KCNK17: variants seen among roughly 807,000 people sequenced by gnomAD.
KCNK17 encodes potassium channel subfamily K member 17.
A neutral mutation model predicts 24.6 loss-of-function variants in KCNK17; 27 were observed. That is an observed-to-expected ratio of 1.10 (90% CI 0.81 to 1.51). The LOEUF is 1.51. Ranked by LOEUF, KCNK17 falls within the 40% of genes most tolerant of loss-of-function variation. The pLI, the probability that KCNK17 is intolerant of heterozygous loss-of-function variation, is 0.00. For synonymous variants in KCNK17, 181 were observed against 189.8 expected (o/e 0.95, Z 0.38); for missense variants, 450 against 436.6 (o/e 1.03, Z -0.27).
chr6:39,302,194 A>C (rs2758911), intron 4 of KCNK17, among the ~76,000 whole-genome samples: 23,255 of 152,118 alleles, frequency 0.15, 3,184 homozygotes, highest in African/African-American at 0.37. Context: ...GTGAAGGGAG[A>C]AGCTCTGCCA....
chr6:39,313,409 C>T (rs554234608), intron 1 of KCNK17, among the ~76,000 whole-genome samples: 2 of 152,338 alleles, frequency 1.3e-5, no homozygotes, highest in East Asian at 3.9e-4. Context: ...CCTGCGTCCG[C>T]CCTCCTCTCG....
At chr6:39,308,288 G>A (rs1469812628) in intron 2 of KCNK17, among the ~76,000 whole-genome samples, 2 of 152,204 alleles carry the variant, frequency 1.3e-5, no homozygotes, top group African/African-American at 4.8e-5. Context: ...ATGTATGTGT[G>A]TATGTATGTA....
chr6:39,301,820 T>G lies in KCNK17; in HGVS notation c.689-2083A>C, dbSNP rs565039903. ...TGAAGACAGCGCCTCTTGTGGCTGC[T>G]GATGCAGGGATGTGAACACCCAGTA... On this transcript the variant is annotated intron_variant, in intron 4 of 4. Coordinates refer to ENST00000373231, the MANE Select transcript of KCNK17 (RefSeq NM_031460.4). 3.8e-3 allele frequency among the ~76,000 whole-genome samples: 584 copies of G among 152,292 alleles called. 4 individuals are homozygous for G. Among genetic ancestry groups the G allele is most frequent in the African/African-American group, 0.012 (483 of 41,564 alleles).
chr6:39,307,464 C>G (rs1235981780), intron 2 of KCNK17, among the ~76,000 whole-genome samples: 1 of 152,116 alleles, frequency 6.6e-6, no homozygotes, highest in Non-Finnish European at 1.5e-5. Context: ...GCCTCCTCAC[C>G]AACCCCTCCT....
Position 39,299,197 on chromosome 6 carries a change from G to C in KCNK17, c.*230C>G. The C allele has an allele frequency of 1.9e-6, 1 of 530,704 alleles. No individual in the cohort carries two copies. The highest frequency in any genetic ancestry group is 3.3e-6 in the Non-Finnish European group (1 of 298,828). The allele number at this position is 530,704 out of a possible 1,614,324, so 32.9% of individuals were successfully genotyped here. Reference sequence around the variant, plus strand: ...CATCATATCGGCGGCATTGCAGCCCGCTAAAGTAAGGAAGTGGGGGAGAAG... The same window carrying C: ...CATCATATCGGCGGCATTGCAGCCCCCTAAAGTAAGGAAGTGGGGGAGAAG... On this transcript the variant is annotated 3_prime_UTR_variant, in exon 5 of 5. Transcript: ENST00000373231.
chr6:39,312,765 C>T (rs971088456), intron 1 of KCNK17, among the ~76,000 whole-genome samples: 1 of 152,184 alleles, frequency 6.6e-6, no homozygotes, highest in African/African-American at 2.4e-5. Context: ...TGCTTGTAGT[C>T]GAAGTTCACC....
At chr6:39,299,915 AT>A (rs2113833179) in intron 4 of KCNK17, among the ~76,000 whole-genome samples, 178 bp from the exon 5 acceptor site, 1 of 152,266 alleles carries the variant, frequency 6.6e-6, no homozygotes, top group South Asian at 2.1e-4. Flanking sequence ...GCCTCCCTGG[AT>A]TGGCACTTGG....
intron 2 of KCNK17, among the ~76,000 whole-genome samples, chr6:39,306,766 GTTT>G (rs34588404): frequency 2.3e-5 from 3 of 130,504 alleles, no homozygotes; most frequent in Admixed American, 7.8e-5. Flanking sequence ...TTCTTTCTTT[GTTT>G]TTTTTTTTTT....
Position 39,299,434 on chromosome 6 carries a change from T to C in KCNK17, c.992A>G (p.Asp331Gly), listed in dbSNP as rs1376185119. ...PSAHAAGCGK[D>G]S is the part of the protein sequence containing the mutation. ...CCAAAGAATGGAGTATAACTAGCTGTCCTTGCCACAGCCTGCAGCGTGAGC... is the reference window on the plus strand; with the variant it reads ...CCAAAGAATGGAGTATAACTAGCTGCCCTTGCCACAGCCTGCAGCGTGAGC... The change falls in exon 5 of 5, where the codon GAC becomes GGC. Residue 331 changes from aspartate (D) to glycine (G), a missense_variant. Asp to Gly is a moderately conservative substitution (Grantham distance 94). Transcript: ENST00000373231. 6.2e-7 allele frequency: 1 copy of C among 1,612,538 alleles called. No homozygotes were observed. The highest frequency in any genetic ancestry group is 1.1e-5 in the South Asian group (1 of 91,004).
intron 4 of KCNK17, among the ~76,000 whole-genome samples, chr6:39,302,969 C>T (rs1761970308): frequency 6.6e-6 from 1 of 152,262 alleles, no homozygotes; most frequent in South Asian, 2.1e-4. Context: ...AGAGAGGAGA[C>T]ATTTTAGGTG....
chr6:39,304,033 C>G lies in KCNK17; in HGVS notation c.612G>C (p.Glu204Asp). 6.2e-7 allele frequency: 1 copy of G among 1,613,966 alleles called. No homozygotes were observed. The highest frequency in any genetic ancestry group is 1.1e-5 in the South Asian group (1 of 91,088). ...LLPPLLFSHM[E>D]GWSYTEGFYF... The stretch of plus-strand genomic sequence containing the variant: ...AGAAGCCCTCTGTGTAGCTCCAGCC[C>G]TCCATGTGGGAGAAGAGCAGCGGTG... Residue 204 changes from glutamate to aspartate, a missense_variant, in exon 4 of 5, where the codon GAG becomes GAC. Physicochemically the swap from Glu to Asp is conservative, Grantham distance 45. Transcript: ENST00000373231.
intron 1 of KCNK17, among the ~76,000 whole-genome samples, chr6:39,313,281 A>G (rs116366551): frequency 0.018 from 2,765 of 152,192 alleles, 75 homozygotes; most frequent in African/African-American, 0.058. Flanking sequence ...GCTCAGATTT[A>G]CCTCTGAGTC....
At position 39,309,318 on chromosome 6, in the gene KCNK17, C is replaced by T. The variant is rs555648276; in HGVS notation, c.352+1575G>A. Among the ~76,000 whole-genome samples the T allele has an allele frequency of 1.8e-3, 269 of 152,110 alleles. 2 individuals are homozygous for T. The highest frequency in any genetic ancestry group is 1.7e-3 in the South Asian group (8 of 4,826). On this transcript the variant is annotated intron_variant, in intron 2 of 4. Transcript: ENST00000373231. ...CAGCCTGGGTGACACAGCGAGACTC[C>T]GTCTCAAAAAAGAAAGAAAGAAAAT...
chr6:39,300,974 C>G (rs1383827063), intron 4 of KCNK17, among the ~76,000 whole-genome samples: 1 of 152,146 alleles, frequency 6.6e-6, no homozygotes, highest in Non-Finnish European at 1.5e-5. Context: ...AAAATGGAGA[C>G]AGTAAGAGTC....
chr6:39,308,665 T>G (rs1490680285), intron 2 of KCNK17, among the ~76,000 whole-genome samples: 1 of 152,348 alleles, frequency 6.6e-6, no homozygotes, highest in Middle Eastern at 3.4e-3. Context: ...AGTTCATAGA[T>G]GAGTGATTTC....
intron 4 of KCNK17, chr6:39,300,635 T>G: frequency 9.2e-7 from 1 of 1,090,330 alleles, no homozygotes; most frequent in South Asian, 1.4e-5. Context: ...GGAATACGAC[T>G]GCGCCCCCTT....
chr6:39,310,888 CTTA>C lies in KCNK17; in HGVS notation c.352+2_352+4del. ...CCCATCCCCCTGGCCCCATCTGGCC[CTTA>C]CCAATGGTGGTGATGGTGGACACAG... On this transcript the variant is annotated splice_donor_variant and splice_donor_region_variant and intron_variant, in intron 2 of 4. Coordinates refer to ENST00000373231, the MANE Select transcript of KCNK17 (RefSeq NM_031460.4). LOFTEE classifies it high-confidence loss of function. The C allele has an allele frequency of 1.3e-6, 2 of 1,588,134 alleles. No individual in the cohort carries two copies. Among genetic ancestry groups the C allele is most frequent in the Non-Finnish European group, 1.7e-6 (2 of 1,160,740 alleles).
At chr6:39,306,986 T>C (rs1367236956) in intron 2 of KCNK17, among the ~76,000 whole-genome samples, 3 of 152,038 alleles carry the variant, frequency 2.0e-5, no homozygotes, top group African/African-American at 7.2e-5. Context: ...ATGGTCTCAA[T>C]CTCCTGACCT....
intron 4 of KCNK17, chr6:39,300,458 T>C: frequency 6.5e-7 from 1 of 1,546,116 alleles, no homozygotes; most frequent in Non-Finnish European, 8.8e-7. Context: ...CCAGAGGATT[T>C]CGATGTCCGC....
Sources: allele counts gnomAD v4.1 joint callset (sites outside exome capture counted in the v4.1 genomes callset), GRCh38; gene constraint gnomAD v4.1.1; transcripts MANE v1.5; gene names NCBI Gene and HGNC (gene_info 2026-07-23, HGNC 2026-07-21).